Variants in FRS2 observed in about 807,000 individuals in gnomAD.
FRS2 encodes fibroblast growth factor receptor substrate 2.
Under a neutral mutation model 43.9 loss-of-function variants are expected in FRS2, and 8 were observed. That is an observed-to-expected ratio of 0.18 (90% CI 0.11 to 0.33). The LOEUF is 0.33. FRS2 is among the 10% of genes least tolerant of loss of function. The pLI is 1.00. For missense variants in FRS2, 534 were observed against 627.6 expected, an observed-to-expected ratio of 0.85 and a Z score of 1.59; for synonymous variants, 219 against 220.3, an observed-to-expected ratio of 0.99 and a Z score of 0.05.
intron 1 of FRS2, among the ~76,000 whole-genome samples, chr12:69,526,322 G>C (rs1277553527): frequency 2.6e-5 from 4 of 152,104 alleles, no homozygotes; most frequent in Non-Finnish European, 5.9e-5. Flanking sequence ...TACATTTCCT[G>C]GGTAATGTGT....
chr12:69,477,439 C>G (rs1265951899), intron 1 of FRS2, among the ~76,000 whole-genome samples: 5 of 151,632 alleles, frequency 3.3e-5, no homozygotes, highest in Non-Finnish European at 7.4e-5. Context: ...CCCGCCAACA[C>G]GCCTGGCTAA....
chr12:69,563,445 T>C (rs574458476), intron 4 of FRS2, among the ~76,000 whole-genome samples: 2 of 152,308 alleles, frequency 1.3e-5, no homozygotes, highest in South Asian at 2.1e-4. Context: ...TTGCCCCATT[T>C]TGTATTTTGT....
chr12:69,490,737 T>G (rs375094921), intron 1 of FRS2, among the ~76,000 whole-genome samples: 2 of 152,178 alleles, frequency 1.3e-5, no homozygotes, highest in African/African-American at 4.8e-5. Flanking sequence ...ACTTCTTATA[T>G]TTTGTTTTGG....
chr12:69,570,662 A>G (rs902514095), intron 6 of FRS2, 145 bp downstream of exon 6: 40 of 581,738 alleles, frequency 6.9e-5, no homozygotes, highest in Non-Finnish European at 9.9e-5. Context: ...TATACTGTGT[A>G]TTAATTTATC....
Position 69,472,344 on chromosome 12 carries a change from C to T in FRS2, c.-261+1814C>T, listed in dbSNP as rs553234263. On this transcript the variant is annotated intron_variant, in intron 1 of 8. Transcript: ENST00000549921. The stretch of plus-strand genomic sequence containing the variant: ...CTGGGCTCAAGTGATCCTCCCATCT[C>T]GGCCTTCCAAAGTGCTGGGATTACA... 1.5e-4 allele frequency among the ~76,000 whole-genome samples: 23 copies of T among 151,092 alleles called. No individual in the cohort carries two copies. The South Asian group carries it at 1.9e-3, about 12-fold the overall frequency.
intron 1 of FRS2, among the ~76,000 whole-genome samples, chr12:69,489,399 G>T (rs1872244970): frequency 1.3e-5 from 2 of 152,166 alleles, no homozygotes; most frequent in African/African-American, 4.8e-5. Context: ...CCTTGGTTAG[G>T]TGGCTTCCGC....
At chr12:69,543,707 A>G (rs1343362808) in intron 3 of FRS2, among the ~76,000 whole-genome samples, 1 of 152,228 alleles carries the variant, frequency 6.6e-6, no homozygotes, top group South Asian at 2.1e-4. Flanking sequence ...GGAGCAAGCT[A>G]TGCTGATACC....
intron 8 of FRS2, among the ~76,000 whole-genome samples, chr12:69,572,741 T>C (rs1880868724): frequency 6.6e-6 from 1 of 152,264 alleles, no homozygotes; most frequent in Non-Finnish European, 1.5e-5. Context: ...ATTAATTAGT[T>C]ATACTTATGT....
chr12:69,491,514 T>TG (rs1463550638), intron 1 of FRS2: 4 of 143,980 alleles, frequency 2.8e-5, no homozygotes, highest in Non-Finnish European at 6.1e-5. Flanking sequence ...CATTTTTTTT[T>TG]TTTTTTTTTT....
chr12:69,573,118 C>G (rs1396841631), intron 8 of FRS2, among the ~76,000 whole-genome samples: 1 of 152,238 alleles, frequency 6.6e-6, no homozygotes, highest in Non-Finnish European at 1.5e-5. Flanking sequence ...CAGGCGTGAG[C>G]CACTGTGCCC....
intron 1 of FRS2, among the ~76,000 whole-genome samples, chr12:69,470,765 C>T (rs1488195639): frequency 2.0e-5 from 3 of 152,150 alleles, no homozygotes; most frequent in Non-Finnish European, 4.4e-5. Flanking sequence ...GCTGTTGTTG[C>T]TGTTGGGACT....
chr12:69,535,156 G>A (rs73341754), intron 3 of FRS2, among the ~76,000 whole-genome samples: 110 of 152,178 alleles, frequency 7.2e-4, no homozygotes, highest in African/African-American at 2.3e-3. Flanking sequence ...GGTTCTGGGC[G>A]TATCTGACAA....
intron 1 of FRS2, among the ~76,000 whole-genome samples, chr12:69,494,256 T>C (rs2120983754): frequency 6.6e-6 from 1 of 152,318 alleles, no homozygotes; most frequent in South Asian, 2.1e-4. Context: ...ACCATAATAA[T>C]TTAAAAATAC....
At position 69,574,143 on chromosome 12, in the gene FRS2, G is replaced by T; in HGVS notation, c.715G>T (p.Asp239Tyr). 1 of 1,613,514 alleles carries T rather than the reference G, an allele frequency of 6.2e-7. No homozygotes were observed. Among genetic ancestry groups the T allele is most frequent in the Non-Finnish European group, 8.5e-7 (1 of 1,179,376 alleles). ...AGAACCAAGTAGTATTGAGGACAGG[G>T]ATCCTCAGATTCTTCTTGAACCTGA... The part of the protein sequence containing the change: ...KEEPSSIEDR[D>Y]PQILLEPEGV... The change falls in exon 9 of 9, where the codon GAT (aspartate) becomes TAT (tyrosine). Residue 239 changes from aspartate (D) to tyrosine (Y), a missense_variant. Physicochemically the swap from Asp to Tyr is radical, Grantham distance 160. Transcript: ENST00000549921.
chr12:69,574,827 C>A lies in FRS2; in HGVS notation c.1399C>A (p.Arg467Ser). The A allele has an allele frequency of 6.2e-7, 1 of 1,614,034 alleles. No homozygotes were observed. Among genetic ancestry groups the A allele is most frequent in the Non-Finnish European group, 8.5e-7 (1 of 1,179,952 alleles). The change falls in exon 9 of 9, where the codon CGC becomes AGC. Residue 467 changes from arginine (R) to serine (S), a missense_variant. Transcript: ENST00000549921. ...TTPLPQTPTR[R>S]TELYAVIDIE... is the part of the protein sequence containing the mutation. ...TCCCCTTCCACAAACCCCTACCAGGCGCACAGAGCTGTATGCCGTGATAGA... is the reference window on the plus strand; with the variant it reads ...TCCCCTTCCACAAACCCCTACCAGGAGCACAGAGCTGTATGCCGTGATAGA...
At chr12:69,547,346 A>C (rs1878496202) in intron 3 of FRS2, among the ~76,000 whole-genome samples, 1 of 152,118 alleles carries the variant, frequency 6.6e-6, no homozygotes, top group Admixed American at 6.5e-5. Context: ...CTGTGGTCCT[A>C]GCTAATTGAG....
chr12:69,479,006 A>G (rs543579549), intron 1 of FRS2, among the ~76,000 whole-genome samples: 77 of 150,314 alleles, frequency 5.1e-4, no homozygotes, highest in Non-Finnish European at 8.9e-4. Flanking sequence ...AACTCTGTGT[A>G]GCTTTATTTT....
chr12:69,579,419 T>TA lies in FRS2; in HGVS notation c.*4464_*4465insA, dbSNP rs1881409837. 6.6e-6 allele frequency: 1 copy of TA among 152,650 alleles called. No homozygotes were observed. 9.5% of individuals were successfully genotyped at this position (152,650 alleles called of 1,614,324 possible). ...GTCAGAGTTCTTTACAATCAAACGTTTATTAACTGGAGTACTTAGAATAAG... is the reference window on the plus strand; with the variant it reads ...GTCAGAGTTCTTTACAATCAAACGTTATATTAACTGGAGTACTTAGAATAAG... On this transcript the variant is annotated 3_prime_UTR_variant, in exon 9 of 9. Transcript: ENST00000549921.
rs140088029 is a variant in FRS2 at position 69,536,477 on chromosome 12, A to G, written c.-122+4421A>G. On this transcript the variant is annotated intron_variant, in intron 3 of 8. Coordinates refer to ENST00000549921, the MANE Select transcript of FRS2 (RefSeq NM_001278356.2). Reference sequence around the variant, plus strand: ...TTTTGATTGGAGTTTTGTAAATAGAATAAGGTTGAGTTTTATTTTTGTTCT... The same window carrying G: ...TTTTGATTGGAGTTTTGTAAATAGAGTAAGGTTGAGTTTTATTTTTGTTCT... Among the ~76,000 whole-genome samples, 31 of 151,372 alleles carry G rather than the reference A, an allele frequency of 2.0e-4. 1 individual carries two copies. The highest frequency in any genetic ancestry group is 3.2e-4 in the Non-Finnish European group (22 of 67,876).
Sources: allele counts gnomAD v4.1 joint callset (sites outside exome capture counted in the v4.1 genomes callset), GRCh38; gene constraint gnomAD v4.1.1; transcripts MANE v1.5; gene names NCBI Gene and HGNC (gene_info 2026-07-23, HGNC 2026-07-21).